Variants in ADGRF3 observed in about 807,000 individuals in gnomAD.
ADGRF3 encodes the protein G protein-coupled receptor 113.
In ADGRF3, 85 loss-of-function variants were observed where a neutral mutation model predicts 93.2. The observed-to-expected ratio is 0.91, with a 90% confidence interval of 0.77 to 1.09. ADGRF3 has a LOEUF of 1.09. Among genes scored for constraint, ADGRF3 ranks in the 50% least tolerant of loss-of-function variants. The pLI is 0.00. For synonymous variants in ADGRF3, 534 were observed against 532.5 expected (o/e 1.00, Z -0.04); for missense variants, 1,125 against 1,246.2 (o/e 0.90, Z 1.46).
At chr2:26,338,135 A>C (rs1348064916) in intron 1 of ADGRF3, among the ~76,000 whole-genome samples, 1 of 152,210 alleles carries the variant, frequency 6.6e-6, no homozygotes, top group Non-Finnish European at 1.5e-5. Flanking sequence ...TCTTTAAGTC[A>C]ATTCTCTGTC....
At chr2:26,319,148 G>C (rs191653656) in intron 1 of ADGRF3, 2 of 1,268,870 alleles carry the variant, frequency 1.6e-6, no homozygotes, top group Admixed American at 2.4e-5. Context: ...AGAGGGGAGG[G>C]AGCCAGGGCT....
intron 1 of ADGRF3, 87 bp downstream of exon 1, chr2:26,346,034 A>G: frequency 1.5e-6 from 2 of 1,365,794 alleles, no homozygotes; most frequent in Non-Finnish European, 2.0e-6. Flanking sequence ...GGCGGGGAGA[A>G]GCGTGGGCTG....
At chr2:26,332,016 TCCC>T (rs1360969847) in intron 1 of ADGRF3, among the ~76,000 whole-genome samples, 1 of 152,178 alleles carries the variant, frequency 6.6e-6, no homozygotes, top group East Asian at 1.9e-4. Context: ...TTTGAACTCC[TCCC>T]CCATTAGCTT....
intron 1 of ADGRF3, among the ~76,000 whole-genome samples, chr2:26,331,607 G>A (rs1000075620): frequency 2.6e-5 from 4 of 152,134 alleles, no homozygotes; most frequent in Admixed American, 6.6e-5. Flanking sequence ...GTGTGTACCC[G>A]TAATCCCAGC....
rs1465806731 is a variant in ADGRF3, at chr2:26,313,472, T to C, written c.1174A>G (p.Ile392Val). Residue 392 changes from isoleucine (I) to valine (V), a missense_variant, in exon 8 of 14, where the codon ATA (isoleucine) becomes GTA (valine). By Grantham distance (29) the Ile-to-Val change is conservative. Transcript: ENST00000651242. ...QAPCPESKRG[I>V]VRRLCGADGV... Reference sequence around the variant, plus strand: ...TCAGCCCCACAGAGCCTCCTCACTATGCCCCTCTTGCTCTCAGGACATGGG... The same window carrying C: ...TCAGCCCCACAGAGCCTCCTCACTACGCCCCTCTTGCTCTCAGGACATGGG... 4 of 1,611,594 alleles carry C rather than the reference T, an allele frequency of 2.5e-6. No homozygotes were observed. The highest frequency in any genetic ancestry group is 2.5e-6 in the Non-Finnish European group (3 of 1,179,004).
chr2:26,339,114 CA>C (rs61584458), intron 1 of ADGRF3, among the ~76,000 whole-genome samples: 4,546 of 39,602 alleles, frequency 0.11, 36 homozygotes, highest in African/African-American at 0.26. Context: ...GACTCCGTCA[CA>C]AAAAAAAAAA....
At chr2:26,342,375 T>C (rs1050326925) in intron 1 of ADGRF3, among the ~76,000 whole-genome samples, 5 of 152,204 alleles carry the variant, frequency 3.3e-5, no homozygotes, top group African/African-American at 1.2e-4. Context: ...TTTTACAAAC[T>C]TCTTTGGAAG....
intron 1 of ADGRF3, among the ~76,000 whole-genome samples, chr2:26,336,916 A>G (rs988921648): frequency 1.3e-5 from 2 of 152,064 alleles, no homozygotes; most frequent in African/African-American, 4.8e-5. Context: ...TTGGAAATGG[A>G]CTGAAGATGA....
chr2:26,313,102 G>T lies in ADGRF3; in HGVS notation c.1290C>A (p.Gly430=), dbSNP rs760650450. 2 of 1,613,918 alleles carry T rather than the reference G, an allele frequency of 1.2e-6. No homozygotes were observed. Among genetic ancestry groups the T allele is most frequent in the East Asian group, 2.2e-5 (1 of 44,888 alleles). The stretch of plus-strand genomic sequence containing the variant: ...TCTGTGGCACCTCCTCAGCAGGACT[G>T]CCCTGGCCTGCCTGCAGCAGCTGAG... The part of the protein sequence containing the change: ...TRTKLLQAGQ[G]SPAEEVPQIL... The change falls in exon 9 of 14, where the codon GGC becomes GGA. Residue 430 remains glycine (G), a synonymous_variant. Coordinates refer to ENST00000651242, the MANE Select transcript of ADGRF3 (RefSeq NM_001321971.2).
At chr2:26,317,264 G>A (rs149828293) in intron 2 of ADGRF3, among the ~76,000 whole-genome samples, 20 of 152,252 alleles carry the variant, frequency 1.3e-4, no homozygotes, top group Non-Finnish European at 1.9e-4. Flanking sequence ...CATGTCATCC[G>A]TCCAGCAACA....
At chr2:26,324,063 C>G (rs1179580444) in intron 1 of ADGRF3, among the ~76,000 whole-genome samples, 1 of 152,110 alleles carries the variant, frequency 6.6e-6, no homozygotes. Context: ...GGCAACATGA[C>G]AAAACCTCAA....
intron 1 of ADGRF3, among the ~76,000 whole-genome samples, chr2:26,319,546 T>TCTCCCTCCCTCCCTCC (rs746092843): frequency 2.8e-4 from 17 of 61,692 alleles, no homozygotes; most frequent in African/African-American, 7.0e-4. Flanking sequence ...CCCTTCTTTC[T>TCTCCCTCCCTCCCTCC]CTCCCTCCCT....
chr2:26,330,110 A>T (rs1447789720), intron 1 of ADGRF3, among the ~76,000 whole-genome samples: 1 of 152,194 alleles, frequency 6.6e-6, no homozygotes, highest in African/African-American at 2.4e-5. Context: ...ACAAGTTCTG[A>T]TCAACCTACT....
chr2:26,346,109 C>T lies in ADGRF3; in HGVS notation c.114+12G>A, dbSNP rs781473677. ...CTACGCGTGCGCGGTGGGCGGAGCGCGGCTCTCCTACCTTCTCGGGCAGCC... is the reference window on the plus strand; with the variant it reads ...CTACGCGTGCGCGGTGGGCGGAGCGTGGCTCTCCTACCTTCTCGGGCAGCC... On this transcript the variant is annotated intron_variant, in intron 1 of 13. Coordinates refer to ENST00000651242, the MANE Select transcript of ADGRF3 (RefSeq NM_001321971.2). The T allele has an allele frequency of 5.1e-6, 8 of 1,568,752 alleles. No individual in the cohort carries two copies. The highest frequency in any genetic ancestry group is 1.4e-5 in the African/African-American group (1 of 73,660).
At chr2:26,343,189 G>A (rs1676485714) in intron 1 of ADGRF3, among the ~76,000 whole-genome samples, 1 of 151,940 alleles carries the variant, frequency 6.6e-6, no homozygotes, top group Admixed American at 6.6e-5. Context: ...TAATCTTAAG[G>A]GACCACATGT....
At chr2:26,309,209 C>T (rs747568160) in intron 13 of ADGRF3, 102 bp from the exon 14 acceptor site, 88 of 1,612,806 alleles carry the variant, frequency 5.5e-5, no homozygotes, top group East Asian at 1.8e-4. Context: ...CCCTTCAAGG[C>T]GTGACTCTCA....
intron 1 of ADGRF3, among the ~76,000 whole-genome samples, chr2:26,336,966 T>C (rs1351772543): frequency 6.6e-6 from 1 of 152,122 alleles, no homozygotes; most frequent in Non-Finnish European, 1.5e-5. Flanking sequence ...AGAGATAGTT[T>C]ATGATGACTA....
At chr2:26,337,383 AT>A (rs1039504897) in intron 1 of ADGRF3, among the ~76,000 whole-genome samples, 2 of 152,210 alleles carry the variant, frequency 1.3e-5, no homozygotes, top group Admixed American at 1.3e-4. Context: ...AATTGTATTT[AT>A]TTTAGGTGTA....
At chr2:26,319,593 T>TCTTTCTCTCCCTCCCTCCCTC (rs1558391038) in intron 1 of ADGRF3, among the ~76,000 whole-genome samples, 8 of 65,102 alleles carry the variant, frequency 1.2e-4, no homozygotes, top group Admixed American at 3.5e-4. Flanking sequence ...CTTCCTTCCT[T>TCTTTCTCTCCCTCCCTCCCTC]CCTTCCTTCC....
Sources: allele counts gnomAD v4.1 joint callset (sites outside exome capture counted in the v4.1 genomes callset), GRCh38; gene constraint gnomAD v4.1.1; transcripts MANE v1.5; gene names NCBI Gene and HGNC (gene_info 2026-07-23, HGNC 2026-07-21).